The following CLCA4 variants were observed in gnomAD, a reference collection of about 807,000 sequenced individuals.
The protein encoded by CLCA4 is calcium-activated chloride channel regulator 4.
A neutral mutation model predicts 78.9 loss-of-function variants in CLCA4; 69 were observed. That is an observed-to-expected ratio of 0.87 (90% CI 0.72 to 1.07). The LOEUF is 1.07. Among genes scored for constraint, CLCA4 ranks in the 50% least tolerant of loss-of-function variants. CLCA4 has a pLI of 0.00. For synonymous variants in CLCA4, 362 were observed against 375.8 expected (o/e 0.96, Z 0.42); for missense variants, 1,133 against 1,095.8 (o/e 1.03, Z -0.48).
chr1:86,566,823 G>A (rs1179412161), intron 6 of CLCA4, among the ~76,000 whole-genome samples: 1 of 152,050 alleles, frequency 6.6e-6, no homozygotes, highest in Admixed American at 6.6e-5. Context: ...TCCGAAAGAG[G>A]GCTGGGTCCT....
chr1:86,567,360 A>G, intron 6 of CLCA4, 64 bp from the exon 7 acceptor site: 1 of 1,314,422 alleles, frequency 7.6e-7, no homozygotes, highest in South Asian at 1.4e-5. Context: ...CATTCATTTT[A>G]TGTGATCTTC....
Position 86,575,581 on chromosome 1 carries a change from CT to C in CLCA4, c.1937del (p.Leu646TrpfsTer31). 1 of 1,612,354 alleles carries C rather than the reference CT, an allele frequency of 6.2e-7. No individual in the cohort carries two copies. The highest frequency in any genetic ancestry group is 8.5e-7 in the Non-Finnish European group (1 of 1,178,938). ...GAATGGACATACAGAAGTTTTGGAA[CT>C]TTTGGATAATGGTGCAGGTAATTCA... Reference protein sequence around the residue: ...SQNGHTEVLELLDNGAGADSF... With the variant: ...SQNGHTEVLEXLDNGAGADSF... On this transcript the variant is annotated frameshift_variant, in exon 11 of 14. Coordinates refer to ENST00000370563, the MANE Select transcript of CLCA4 (RefSeq NM_012128.4). LOFTEE classifies it high-confidence loss of function.
Position 86,574,564 on chromosome 1 carries a change from A to G in CLCA4, c.1492A>G (p.Asn498Asp), listed in dbSNP as rs2101816079. Residue 498 changes from asparagine (N) to aspartate (D), a missense_variant, in exon 10 of 14, where the codon AAT (asparagine) becomes GAT (aspartate). Physicochemically the swap from Asn to Asp is conservative, Grantham distance 23. Coordinates refer to ENST00000370563, the MANE Select transcript of CLCA4 (RefSeq NM_012128.4). ...LQLESKGLTL[N>D]SNAWMNDTVI... ...GCTCGAAAGTAAGGGATTAACACTGAATAGTAATGCCTGGATGAACGACAC... is the reference window on the plus strand; with the variant it reads ...GCTCGAAAGTAAGGGATTAACACTGGATAGTAATGCCTGGATGAACGACAC... The G allele has an allele frequency of 6.2e-7, 1 of 1,613,034 alleles. No homozygotes were observed.
intron 1 of CLCA4, among the ~76,000 whole-genome samples, chr1:86,548,305 G>A (rs1485310478): frequency 6.6e-6 from 1 of 151,958 alleles, no homozygotes; most frequent in East Asian, 1.9e-4. Flanking sequence ...TTATTACTTT[G>A]TCTTTGAGGT....
Position 86,565,321 on chromosome 1 carries a change from G to T in CLCA4, c.605G>T (p.Gly202Val). Residue 202 changes from glycine to valine, a missense_variant, in exon 5 of 14, where the codon GGA becomes GTA. Gly to Val is a moderately radical substitution (Grantham distance 109, BLOSUM62 -3). Coordinates refer to ENST00000370563, the MANE Select transcript of CLCA4 (RefSeq NM_012128.4). The stretch of plus-strand genomic sequence containing the variant: ...AGAAATAGAGTTTATAAGTGTCAAG[G>T]AGGCAGCTGTCTTAGTAGAGCATGC... ...SGRNRVYKCQ[G>V]GSCLSRACRI... 6.2e-7 allele frequency: 1 copy of T among 1,609,758 alleles called. No homozygotes were observed. The highest frequency in any genetic ancestry group is 1.1e-5 in the South Asian group (1 of 90,382).
At chr1:86,559,744 A>C (rs1649956894) in intron 1 of CLCA4, among the ~76,000 whole-genome samples, 188 bp from the exon 2 acceptor site, 1 of 152,230 alleles carries the variant, frequency 6.6e-6, no homozygotes, top group Non-Finnish European at 1.5e-5. Context: ...GGAGGCTTTC[A>C]ACGTGCAGGA....
intron 11 of CLCA4, among the ~76,000 whole-genome samples, chr1:86,577,366 G>T (rs1018527306): frequency 6.6e-6 from 1 of 152,114 alleles, no homozygotes; most frequent in Admixed American, 6.6e-5. Context: ...TCGAGGGTTT[G>T]TAAGAACACA....
At chr1:86,566,464 TTGAAA>T (rs1050987000) in intron 6 of CLCA4, among the ~76,000 whole-genome samples, 3 of 152,066 alleles carry the variant, frequency 2.0e-5, no homozygotes, top group African/African-American at 7.2e-5. Context: ...TAAATAATTG[TTGAAA>T]TGAATGCACA....
chr1:86,565,419 G>A lies in CLCA4; in HGVS notation c.703G>A (p.Ala235Thr), dbSNP rs111681461. The A allele has an allele frequency of 1.9e-4, 300 of 1,603,328 alleles. No individual in the cohort carries two copies. In the African/African-American group the frequency reaches 2.9e-3, roughly 16 times the overall value. The change falls in exon 5 of 14, where the codon GCA (alanine) becomes ACA (threonine). Residue 235 changes from alanine (A) to threonine (T), a missense_variant. By Grantham distance (58) the Ala-to-Thr change is moderately conservative. Transcript: ENST00000370563. ...TCCTGATAAAGTACAAACAGAAAAA[G>A]CATCCATAATGTTTATGCAAAGTAT... is the stretch of plus-strand genomic sequence containing the variant. ...FFPDKVQTEK[A>T]SIMFMQSIDS...
At chr1:86,566,157 A>G in intron 6 of CLCA4, 137 bp downstream of exon 6, 1 of 574,042 alleles carries the variant, frequency 1.7e-6, no homozygotes, top group Non-Finnish European at 2.8e-6. Context: ...CATGACTTCA[A>G]GATACTGCAG....
At chr1:86,551,984 G>A (rs1422741854) in intron 1 of CLCA4, among the ~76,000 whole-genome samples, 1 of 152,102 alleles carries the variant, frequency 6.6e-6, no homozygotes, top group East Asian at 1.9e-4. Context: ...AGTATTGCAC[G>A]CACATTTAAA....
chr1:86,579,072 C>A (rs1393039741), intron 12 of CLCA4, among the ~76,000 whole-genome samples: 1 of 151,954 alleles, frequency 6.6e-6, no homozygotes, highest in African/African-American at 2.4e-5. Flanking sequence ...AGAGGTAAAG[C>A]AATTCCTTTT....
intron 8 of CLCA4, among the ~76,000 whole-genome samples, chr1:86,572,122 T>C (rs1650366531): frequency 6.6e-6 from 1 of 152,052 alleles, no homozygotes; most frequent in Non-Finnish European, 1.5e-5. Flanking sequence ...ATTGTGAGAA[T>C]ACCTAAATAT....
At chr1:86,553,756 G>A (rs1184725651) in intron 1 of CLCA4, among the ~76,000 whole-genome samples, 1 of 152,100 alleles carries the variant, frequency 6.6e-6, no homozygotes. Context: ...CCAACATTGC[G>A]AAACCCTCTC....
chr1:86,561,829 T>A (rs922678329), intron 3 of CLCA4, among the ~76,000 whole-genome samples: 3 of 152,134 alleles, frequency 2.0e-5, no homozygotes, highest in Non-Finnish European at 4.4e-5. Context: ...CACCCCTTCT[T>A]CTTAGACAGA....
At position 86,574,585 on chromosome 1, in the gene CLCA4, G is replaced by T. The variant is rs773502071; in HGVS notation, c.1513G>T (p.Asp505Tyr). The change falls in exon 10 of 14, where the codon GAC (aspartate) becomes TAC (tyrosine). Residue 505 changes from aspartate (D) to tyrosine (Y), a missense_variant. Physicochemically the swap from Asp to Tyr is radical, Grantham distance 160. Coordinates refer to ENST00000370563, the MANE Select transcript of CLCA4 (RefSeq NM_012128.4). ...LTLNSNAWMN[D>Y]TVIIDSTVGK... is the part of the protein sequence containing the mutation. Reference sequence around the variant, plus strand: ...ACTGAATAGTAATGCCTGGATGAACGACACTGTCATAATTGATAGTACAGT... The same window carrying T: ...ACTGAATAGTAATGCCTGGATGAACTACACTGTCATAATTGATAGTACAGT... 1.2e-6 allele frequency: 2 copies of T among 1,613,030 alleles called. No homozygotes were observed. The highest frequency in any genetic ancestry group is 2.7e-5 in the African/African-American group (2 of 74,822).
chr1:86,572,764 C>A (rs1200318282), intron 9 of CLCA4, 44 bp downstream of exon 9: 1 of 1,112,702 alleles, frequency 9.0e-7, no homozygotes, highest in Admixed American at 1.7e-5. Flanking sequence ...ACTTTTGCCA[C>A]AAGAAAAAAC....
At chr1:86,549,350 G>A (rs1649591228) in intron 1 of CLCA4, among the ~76,000 whole-genome samples, 1 of 152,214 alleles carries the variant, frequency 6.6e-6, no homozygotes, top group Non-Finnish European at 1.5e-5. Flanking sequence ...AGGAAGCATA[G>A]GGTGAGCTGA....
intron 6 of CLCA4, 61 bp from the exon 7 acceptor site, chr1:86,567,363 T>G: frequency 1.5e-6 from 2 of 1,335,182 alleles, no homozygotes; most frequent in Non-Finnish European, 2.1e-6. Flanking sequence ...TCATTTTATG[T>G]GATCTTCTAT....
Sources: allele counts gnomAD v4.1 joint callset (sites outside exome capture counted in the v4.1 genomes callset), GRCh38; gene constraint gnomAD v4.1.1; transcripts MANE v1.5; gene names NCBI Gene and HGNC (gene_info 2026-07-23, HGNC 2026-07-21).